PROCR: variants seen among roughly 807,000 people sequenced by gnomAD.
The protein encoded by PROCR is endothelial protein C receptor.
In PROCR, 22 loss-of-function variants were observed where a neutral mutation model predicts 24.2. That is an observed-to-expected ratio of 0.91 (90% confidence interval 0.65 to 1.30). The LOEUF (loss-of-function observed/expected upper bound fraction) is 1.30. PROCR is among the 50% of genes most tolerant of loss of function. The probability of loss-of-function intolerance (pLI) is 0.00; values close to 1 mark genes in which losing one functional copy is unlikely to be tolerated. For synonymous variants in PROCR, 137 were observed against 139.2 expected, an observed-to-expected ratio of 0.98 and a Z score of 0.11; for missense variants, 288 against 307.7, an observed-to-expected ratio of 0.94 and a Z score of 0.48.
intron 1 of PROCR, among the ~76,000 whole-genome samples, chr20:35,204,461 G>A (rs1371273211): frequency 6.8e-6 from 1 of 147,646 alleles, no homozygotes; most frequent in East Asian, 2.0e-4. Flanking sequence ...TTTGTGGCAG[G>A]GACTCACTCC....
At chr20:35,175,252 C>T (rs2086000116) in intron 2 of PROCR, among the ~76,000 whole-genome samples, 1 of 151,774 alleles carries the variant, frequency 6.6e-6, no homozygotes, top group East Asian at 1.9e-4. Flanking sequence ...AACTCCTCAC[C>T]CCTCGCCTCA....
At chr20:35,189,265 CG>C (rs36094360) in intron 1 of PROCR, among the ~76,000 whole-genome samples, 60,455 of 146,154 alleles carry the variant, frequency 0.41, 14,892 homozygotes, top group African/African-American at 0.7. Flanking sequence ...GAACGCATTC[CG>C]GGGGGGGGCC....
intron 1 of PROCR, among the ~76,000 whole-genome samples, chr20:35,188,991 C>T (rs1410465683): frequency 6.6e-6 from 1 of 152,158 alleles, no homozygotes. Context: ...ATGTATGTCA[C>T]CTCAGGACCC....
chr20:35,196,848 T>G (rs938443212), intron 1 of PROCR, among the ~76,000 whole-genome samples: 11 of 152,224 alleles, frequency 7.2e-5, no homozygotes, highest in African/African-American at 2.7e-4. Flanking sequence ...TAAAGTTATT[T>G]ATGATCATTG....
At chr20:35,196,453 GA>G (rs1369469664) in intron 1 of PROCR, among the ~76,000 whole-genome samples, 4 of 151,868 alleles carry the variant, frequency 2.6e-5, no homozygotes, top group Non-Finnish European at 5.9e-5. Flanking sequence ...CAAATATTAG[GA>G]AAAAAATTTT....
intron 1 of PROCR, among the ~76,000 whole-genome samples, chr20:35,172,543 T>C (rs533142653): frequency 6.6e-6 from 1 of 151,752 alleles, no homozygotes; most frequent in East Asian, 1.9e-4. Context: ...CTGAGGGTGA[T>C]GGTAGATAGG....
chr20:35,180,927 T>C (rs1319179946), downstream of PROCR, among the ~76,000 whole-genome samples: 1 of 152,144 alleles, frequency 6.6e-6, no homozygotes, highest in Non-Finnish European at 1.5e-5. Context: ...AGTGCAGTAG[T>C]GTGAACTTAG....
chr20:35,210,832 C>G lies in PROCR; in HGVS notation c.95-5061C>G, dbSNP rs550928377. Among the ~76,000 whole-genome samples, 5 of 152,074 alleles carry G rather than the reference C, an allele frequency of 3.3e-5. 1 individual carries two copies. The South Asian group carries it at 1.0e-3, about 32-fold the overall frequency. On this transcript the variant is annotated intron_variant, in intron 1 of 1. Coordinates refer to the PROCR transcript ENST00000634509. ...GGTTCAAGCGATTCTCCTGCCTCAG[C>G]CTCCCCAGTAGCTGCGATTACTGGC...
chr20:35,189,933 CTTACT>C (rs1172743778), intron 1 of PROCR, among the ~76,000 whole-genome samples: 1 of 152,110 alleles, frequency 6.6e-6, no homozygotes, highest in African/African-American at 2.4e-5. Context: ...CAATCTGCAC[CTTACT>C]TTACTGATAA....
At chr20:35,174,561 G>A (rs1016293722) in intron 1 of PROCR, 141 bp from the exon 2 acceptor site, 2 of 1,025,888 alleles carry the variant, frequency 1.9e-6, no homozygotes, top group South Asian at 1.3e-5. Context: ...GCGTCAAACG[G>A]GAGAAGCGGT....
chr20:35,177,499 A>T, downstream of PROCR: 1 of 710,722 alleles, frequency 1.4e-6, no homozygotes, highest in Non-Finnish European at 1.6e-6. Flanking sequence ...CCTAGGCTGG[A>T]GTGCAATGGT....
chr20:35,208,801 C>T (rs1047288047), intron 1 of PROCR, among the ~76,000 whole-genome samples: 2 of 152,128 alleles, frequency 1.3e-5, no homozygotes, highest in South Asian at 4.2e-4. Flanking sequence ...ATGGTGAAAC[C>T]CCACCTCTAA....
chr20:35,204,434 T>G (rs1345091402), intron 1 of PROCR, among the ~76,000 whole-genome samples: 1 of 151,150 alleles, frequency 6.6e-6, no homozygotes, highest in African/African-American at 2.4e-5. Context: ...TTCTTTTCTT[T>G]CCTTTTCTTT....
At chr20:35,171,728 C>T (rs755810581), upstream of PROCR, among the ~76,000 whole-genome samples, 1 of 152,166 alleles carries the variant, frequency 6.6e-6, no homozygotes, top group Non-Finnish European at 1.5e-5. Context: ...TCAATCTCCC[C>T]ATCAGCAACC....
chr20:35,205,517 C>T (rs1440185597), intron 1 of PROCR, among the ~76,000 whole-genome samples: 36 of 148,210 alleles, frequency 2.4e-4, no homozygotes, highest in African/African-American at 7.4e-4. Context: ...TTTGGGAGGC[C>T]GAGGCAGGCG....
chr20:35,182,462 A>G (rs185674683), intron 1 of PROCR, among the ~76,000 whole-genome samples: 1 of 152,210 alleles, frequency 6.6e-6, no homozygotes, highest in African/African-American at 2.4e-5. Flanking sequence ...ATAAATGTTC[A>G]CTATATCTCA....
intron 1 of PROCR, chr20:35,202,194 A>G (rs1468250584): frequency 6.6e-6 from 1 of 152,172 alleles, no homozygotes; most frequent in Non-Finnish European, 1.5e-5. Flanking sequence ...TAATAAAACC[A>G]CATAAAGCAT....
chr20:35,210,267 A>G (rs539906318), intron 1 of PROCR, among the ~76,000 whole-genome samples: 1 of 152,188 alleles, frequency 6.6e-6, no homozygotes, highest in South Asian at 2.1e-4. Flanking sequence ...ACATTAGGCC[A>G]AGTGCAGTGA....
intron 1 of PROCR, among the ~76,000 whole-genome samples, chr20:35,191,758 AG>A (rs1331620828): frequency 6.6e-6 from 1 of 152,200 alleles, no homozygotes; most frequent in Admixed American, 6.5e-5. Context: ...AAAGAGCAGG[AG>A]GCAAATAACC....
Sources: allele counts gnomAD v4.1 joint callset (sites outside exome capture counted in the v4.1 genomes callset), GRCh38; gene constraint gnomAD v4.1.1; transcripts MANE v1.5; gene names NCBI Gene and HGNC (gene_info 2026-07-23, HGNC 2026-07-21).